The following AHCYL2 variants were observed in gnomAD, a reference collection of about 807,000 sequenced individuals.
The protein encoded by AHCYL2 is S-adenosylhomocysteine hydrolase-like protein 2.
Under a neutral mutation model 81.4 loss-of-function variants are expected in AHCYL2, and 28 were observed. That is an observed-to-expected ratio of 0.34 (90% CI 0.25 to 0.47). AHCYL2 has a LOEUF of 0.47. Among genes scored for constraint, AHCYL2 ranks in the 20% least tolerant of loss-of-function variants. The pLI, the probability that AHCYL2 is intolerant of heterozygous loss-of-function variation, is 1.00. For synonymous variants in AHCYL2, 272 were observed against 290.2 expected (o/e 0.94, Z 0.64); for missense variants, 551 against 785.1 (o/e 0.70, Z 3.56).
intron 1 of AHCYL2, among the ~76,000 whole-genome samples, chr7:129,374,486 C>CT (rs1794573846): frequency 6.6e-6 from 1 of 151,232 alleles, no homozygotes. Flanking sequence ...CCTTCTCTCT[C>CT]TAAATAAAGA....
chr7:129,373,931 G>A (rs1794543367), intron 1 of AHCYL2, among the ~76,000 whole-genome samples: 1 of 152,168 alleles, frequency 6.6e-6, no homozygotes, highest in Non-Finnish European at 1.5e-5. Context: ...ATTCATATTT[G>A]AGTTCAATTA....
At chr7:129,414,420 CT>C (rs10653631) in intron 12 of AHCYL2, among the ~76,000 whole-genome samples, 13 of 125,432 alleles carry the variant, frequency 1.0e-4, no homozygotes, top group South Asian at 7.3e-4. Context: ...AATGTTGTTT[CT>C]TTTTTTTTTT....
At position 129,283,271 on chromosome 7, in the gene AHCYL2, T is replaced by C. The variant is rs141719470; in HGVS notation, c.363+57832T>C. On this transcript the variant is annotated intron_variant, in intron 1 of 16. Transcript: ENST00000325006. ...TTCATTAAACTGCACCTTGGAAATA[T>C]TCTCAAGGCAGTAAGCAGAAGCATT... is the stretch of plus-strand genomic sequence containing the variant. The C allele has an allele frequency of 5.7e-3, 2,491 of 433,386 alleles. 12 individuals carry two copies. Among genetic ancestry groups the C allele is most frequent in the Non-Finnish European group, 7.7e-3 (1,663 of 216,980 alleles). 26.8% of individuals were successfully genotyped at this position (433,386 alleles called of 1,614,324 possible). A position where few individuals can be genotyped will look rare whatever the true frequency, so the allele number is the denominator to read the frequency against.
intron 2 of AHCYL2, among the ~76,000 whole-genome samples, chr7:129,386,750 T>C (rs1795223078): frequency 6.6e-6 from 1 of 152,174 alleles, no homozygotes; most frequent in Admixed American, 6.5e-5. Context: ...GGAAGGGCAA[T>C]CTCTTCTGGG....
intron 1 of AHCYL2, among the ~76,000 whole-genome samples, chr7:129,231,577 T>G (rs929932179): frequency 6.6e-6 from 1 of 152,234 alleles, no homozygotes; most frequent in East Asian, 1.9e-4. Flanking sequence ...GAGAACAATC[T>G]TGGCAGTTGC....
rs71162592 is a variant in AHCYL2 at position 129,299,369 on chromosome 7, GTTTTTTTTTTTTTTTTTTTTTTTTTTT to G, written c.363+73946_363+73972del. ...AGGCTGAGGTGGGAGAGTCCAACTT[GTTTTTTTTTTTTTTTTTTTTTTTTTTT>G]TTTTTTTTTTTTTTTGAGATGGAGT... On this transcript the variant is annotated intron_variant, in intron 1 of 16. Coordinates refer to ENST00000325006, the MANE Select transcript of AHCYL2 (RefSeq NM_015328.4). 5.6e-4 allele frequency among the ~76,000 whole-genome samples: 26 copies of G among 46,306 alleles called. 1 individual carries two copies. Among genetic ancestry groups the G allele is most frequent in the Admixed American group, 4.6e-3 (13 of 2,820 alleles). 30.4% of individuals were successfully genotyped at this position (46,306 alleles called of 152,430 possible).
intron 1 of AHCYL2, among the ~76,000 whole-genome samples, chr7:129,270,737 G>C (rs1795981403): frequency 6.6e-6 from 1 of 152,174 alleles, no homozygotes; most frequent in African/African-American, 2.4e-5. Context: ...GTTCCTCAAA[G>C]GGTTTCCACA....
intron 1 of AHCYL2, among the ~76,000 whole-genome samples, chr7:129,239,003 A>G (rs998255093): frequency 2.0e-5 from 3 of 147,100 alleles, no homozygotes; most frequent in African/African-American, 7.4e-5. Flanking sequence ...ACAAGTCTAG[A>G]AATTCACATT....
rs148610666 is a variant in AHCYL2 at position 129,422,841 on chromosome 7, C to T, written c.1463C>T (p.Ala488Val). ...MGHSNTEIDV[A>V]SLRTPELTWE... Reference sequence around the variant, plus strand: ...CTGTACTTGCTGTATGTGTTCCAGGCGAGTCTGCGGACACCAGAACTGACC... The same window carrying T: ...CTGTACTTGCTGTATGTGTTCCAGGTGAGTCTGCGGACACCAGAACTGACC... Residue 488 changes from alanine (A) to valine (V), a missense_variant and splice_region_variant, in exon 13 of 17, where the codon GCG (alanine) becomes GTG (valine). This residue lies in a region of AHCYL2 where 316 missense variants were observed against 543.1 expected (regional missense o/e 0.58). Transcript: ENST00000325006. 189 of 1,613,606 alleles carry T rather than the reference C, an allele frequency of 1.2e-4. No individual in the cohort carries two copies. Among genetic ancestry groups the T allele is most frequent in the Non-Finnish European group, 1.6e-4 (183 of 1,179,758 alleles).
At chr7:129,389,319 A>G in intron 3 of AHCYL2, 120 bp downstream of exon 3, 2 of 1,248,284 alleles carry the variant, frequency 1.6e-6, no homozygotes, top group East Asian at 2.5e-5. Context: ...GAATACTTAT[A>G]ACAAAAGAAA....
chr7:129,414,420 CTT>C (rs10653631), intron 12 of AHCYL2, among the ~76,000 whole-genome samples: 3 of 125,472 alleles, frequency 2.4e-5, no homozygotes, highest in Non-Finnish European at 3.2e-5. Flanking sequence ...AATGTTGTTT[CTT>C]TTTTTTTTTT....
chr7:129,412,480 C>G (rs967704661), intron 11 of AHCYL2, among the ~76,000 whole-genome samples: 1 of 151,554 alleles, frequency 6.6e-6, no homozygotes, highest in African/African-American at 2.4e-5. Context: ...AGGGTTTCAC[C>G]ATGTTGCCCA....
intron 1 of AHCYL2, among the ~76,000 whole-genome samples, chr7:129,310,814 T>C (rs536626343): frequency 6.6e-6 from 1 of 152,218 alleles, no homozygotes; most frequent in East Asian, 1.9e-4. Flanking sequence ...AAGCAGTATA[T>C]AACAGACTTG....
chr7:129,284,804 A>T (rs550565108), intron 1 of AHCYL2, among the ~76,000 whole-genome samples: 7 of 151,688 alleles, frequency 4.6e-5, no homozygotes, highest in Admixed American at 1.3e-4. Context: ...AAACTAAAAA[A>T]TTTTTTTTTC....
intron 1 of AHCYL2, among the ~76,000 whole-genome samples, chr7:129,374,810 A>G (rs1794596057): frequency 6.6e-6 from 1 of 150,714 alleles, no homozygotes; most frequent in Non-Finnish European, 1.5e-5. Flanking sequence ...TCCATCTCAA[A>G]AAAAAAAAAA....
chr7:129,312,697 G>C (rs1051605690), intron 1 of AHCYL2, among the ~76,000 whole-genome samples: 1 of 152,022 alleles, frequency 6.6e-6, no homozygotes, highest in Non-Finnish European at 1.5e-5. Context: ...AAAAATTGAG[G>C]TGTAAAATAC....
At chr7:129,228,267 C>T (rs13240434) in intron 1 of AHCYL2, among the ~76,000 whole-genome samples, 3,737 of 152,264 alleles carry the variant, frequency 0.025, 76 homozygotes, top group Admixed American at 0.057. Flanking sequence ...TTACTTCATT[C>T]ACATATCATC....
At chr7:129,408,924 T>C (rs185364704) in intron 10 of AHCYL2, among the ~76,000 whole-genome samples, 1 of 152,124 alleles carries the variant, frequency 6.6e-6, no homozygotes, top group East Asian at 1.9e-4. Context: ...TATAAGAGTC[T>C]AAGAAGTTGG....
At chr7:129,274,713 G>T (rs1187078818) in intron 1 of AHCYL2, among the ~76,000 whole-genome samples, 1 of 152,112 alleles carries the variant, frequency 6.6e-6, no homozygotes, top group Non-Finnish European at 1.5e-5. Flanking sequence ...CGGTCACCAT[G>T]CTGTGAGAAT....
Sources: allele counts gnomAD v4.1 joint callset (sites outside exome capture counted in the v4.1 genomes callset), GRCh38; gene constraint gnomAD v4.1.1; regional missense constraint gnomAD v4.1.1; transcripts MANE v1.5; gene names NCBI Gene and HGNC (gene_info 2026-07-23, HGNC 2026-07-21).